The following GRID2 variants were observed in gnomAD, a reference collection of about 807,000 sequenced individuals.
The protein encoded by GRID2 is glutamate receptor ionotropic, delta-2.
GRID2 carries 33 observed loss-of-function variants against 114.8 expected under a neutral mutation model. The observed-to-expected ratio is 0.29, with a 90% CI of 0.22 to 0.38. The LOEUF (loss-of-function observed/expected upper bound fraction) is 0.38, where lower values mean the gene tolerates loss of function less well. Among genes scored for constraint, GRID2 ranks in the 10% least tolerant of loss-of-function variants. GRID2 has a pLI of 1.00. For synonymous variants in GRID2, 505 were observed against 449.9 expected (o/e 1.12, Z -1.55); for missense variants, 1,184 against 1,257.7 (o/e 0.94, Z 0.89).
chr4:92,352,668 G>A (rs1320188458), intron 1 of GRID2, among the ~76,000 whole-genome samples: 2 of 151,940 alleles, frequency 1.3e-5, no homozygotes, highest in Admixed American at 1.3e-4. Context: ...AACTAATGAT[G>A]CTGAACATCC....
chr4:92,837,262 T>A (rs1742522472), intron 2 of GRID2, among the ~76,000 whole-genome samples: 1 of 152,044 alleles, frequency 6.6e-6, no homozygotes, highest in Non-Finnish European at 1.5e-5. Context: ...TTGATACTTT[T>A]TAAGAGGCCT....
intron 13 of GRID2, among the ~76,000 whole-genome samples, chr4:93,599,894 A>G (rs986525406): frequency 2.6e-5 from 4 of 152,184 alleles, no homozygotes; most frequent in Non-Finnish European, 5.9e-5. Context: ...AAGAGGGAAT[A>G]CCAGAAAGAT....
chr4:92,943,577 C>G (rs1344474940), intron 2 of GRID2, among the ~76,000 whole-genome samples: 4 of 152,178 alleles, frequency 2.6e-5, no homozygotes, highest in African/African-American at 9.7e-5. Context: ...CTTCTCTCAA[C>G]TCGTCAAAGT....
chr4:92,345,816 A>C (rs988939284), intron 1 of GRID2, among the ~76,000 whole-genome samples: 2 of 152,202 alleles, frequency 1.3e-5, no homozygotes, highest in East Asian at 3.8e-4. Context: ...ATTAAAACAC[A>C]AAAGTTCTTG....
chr4:92,713,473 ATACAT>A (rs1340443201), intron 2 of GRID2, among the ~76,000 whole-genome samples: 5 of 72,240 alleles, frequency 6.9e-5, no homozygotes, highest in Non-Finnish European at 1.3e-4. Flanking sequence ...ACATATACAT[ATACAT>A]ATATATATAT....
At chr4:92,984,599 C>A (rs1432555308) in intron 2 of GRID2, among the ~76,000 whole-genome samples, 1 of 152,112 alleles carries the variant, frequency 6.6e-6, no homozygotes, top group Non-Finnish European at 1.5e-5. Flanking sequence ...TAGAGATGAC[C>A]ATTTTCCTCA....
At chr4:92,568,855 G>C (rs1463689766) in intron 1 of GRID2, among the ~76,000 whole-genome samples, 1 of 151,976 alleles carries the variant, frequency 6.6e-6, no homozygotes, top group African/African-American at 2.4e-5. Flanking sequence ...TAGTTTGCTA[G>C]AGTTAACAGC....
intron 2 of GRID2, among the ~76,000 whole-genome samples, chr4:92,595,612 A>C (rs2149215279): frequency 6.6e-6 from 1 of 152,162 alleles, no homozygotes; most frequent in African/African-American, 2.4e-5. Context: ...TGCCTCATAT[A>C]TCTTCTAAAA....
chr4:92,548,122 T>C (rs1726366833), intron 1 of GRID2, among the ~76,000 whole-genome samples: 1 of 152,008 alleles, frequency 6.6e-6, no homozygotes, highest in Admixed American at 6.6e-5. Flanking sequence ...TTTAACATGG[T>C]CACTAAGAAG....
chr4:93,600,536 A>G (rs1288370892), intron 13 of GRID2, among the ~76,000 whole-genome samples: 2 of 152,122 alleles, frequency 1.3e-5, no homozygotes, highest in South Asian at 2.1e-4. Context: ...CACATCCACC[A>G]TAATAGCTAG....
intron 2 of GRID2, among the ~76,000 whole-genome samples, chr4:92,885,877 G>T (rs888492709): frequency 6.6e-6 from 1 of 151,904 alleles, no homozygotes; most frequent in African/African-American, 2.4e-5. Flanking sequence ...ACCTGTTATG[G>T]GTATAGTAAC....
chr4:93,448,414 G>A (rs1282861783), intron 10 of GRID2, among the ~76,000 whole-genome samples: 1 of 151,666 alleles, frequency 6.6e-6, no homozygotes, highest in African/African-American at 2.4e-5. Flanking sequence ...ATAACATAAA[G>A]AATAGATTAA....
chr4:92,917,093 T>C (rs1393763918), intron 2 of GRID2, among the ~76,000 whole-genome samples: 1 of 152,178 alleles, frequency 6.6e-6, no homozygotes, highest in African/African-American at 2.4e-5. Flanking sequence ...TGGTTTTGAT[T>C]TGCATTTCTC....
At chr4:93,163,378 A>ACAC (rs370297302) in intron 4 of GRID2, among the ~76,000 whole-genome samples, 1 of 45,384 alleles carries the variant, frequency 2.2e-5, no homozygotes, top group African/African-American at 8.6e-5. Context: ...ATATATATAT[A>ACAC]TATATATATA....
intron 1 of GRID2, among the ~76,000 whole-genome samples, chr4:92,406,634 C>T (rs1409146181): frequency 6.6e-6 from 1 of 151,422 alleles, no homozygotes; most frequent in African/African-American, 2.4e-5. Context: ...CTTAAGGTCC[C>T]AACAATCCTG....
intron 1 of GRID2, among the ~76,000 whole-genome samples, chr4:92,476,260 T>C (rs529177931): frequency 6.6e-6 from 1 of 152,172 alleles, no homozygotes; most frequent in South Asian, 2.1e-4. Context: ...CTCCTGACCT[T>C]GTGATCCGCC....
chr4:93,365,546 A>G (rs1762258192), intron 8 of GRID2, among the ~76,000 whole-genome samples: 1 of 152,168 alleles, frequency 6.6e-6, no homozygotes, highest in Admixed American at 6.6e-5. Flanking sequence ...AACAAAAATT[A>G]TTGTCATCTC....
intron 1 of GRID2, among the ~76,000 whole-genome samples, chr4:92,539,332 GGT>G (rs1725812472): frequency 6.6e-6 from 1 of 151,944 alleles, no homozygotes; most frequent in Non-Finnish European, 1.5e-5. Context: ...ACTATAAAAT[GGT>G]GGCCTTTTCC....
intron 2 of GRID2, among the ~76,000 whole-genome samples, chr4:92,842,903 G>A (rs1743014579): frequency 6.6e-6 from 1 of 152,016 alleles, no homozygotes; most frequent in African/African-American, 2.4e-5. Flanking sequence ...TTTAGGGGAT[G>A]TGTATTAGAA....
Sources: gnomAD v4.1 joint callset for allele counts (sites outside exome capture counted in the v4.1 genomes callset) on GRCh38, gnomAD v4.1.1 for gene constraint, MANE v1.5 for transcripts, NCBI Gene and HGNC (gene_info 2026-07-23, HGNC 2026-07-21) for gene names.